Variants in EIF4E observed in about 807,000 individuals in gnomAD.
EIF4E encodes the protein eukaryotic translation initiation factor 4E.
For missense variants in EIF4E, 113 were observed against 265.6 expected, an observed-to-expected ratio of 0.43 and a Z score of 3.99; for synonymous variants, 71 against 88.5, an observed-to-expected ratio of 0.80 and a Z score of 1.11.
In EIF4E at chr4:98,892,776, G is replaced by C. The variant is rs143556053; in HGVS notation, c.126-1444C>G. ...AGAAGAAATGAGAGTGCCAGGAGTG[G>C]GGAAACTATTAAATGTGATTCTATA... On this transcript the variant is annotated intron_variant, in intron 2 of 6. Transcript: ENST00000450253. 8.8e-3 allele frequency among the ~76,000 whole-genome samples: 1,337 copies of C among 152,100 alleles called. 21 individuals carry two copies. The highest frequency in any genetic ancestry group is 0.031 in the African/African-American group (1,277 of 41,474).
In EIF4E at chr4:98,903,435, T is replaced by C. The variant is rs75215124; in HGVS notation, c.19-1453A>G. 10,373 of 455,380 alleles carry C rather than the reference T, an allele frequency of 0.023. 1,665 individuals are homozygous for C. The East Asian group carries it at 0.46, about 20-fold the overall frequency. 28.2% of individuals were successfully genotyped at this position (455,380 alleles called of 1,614,324 possible). ...TAGCTCACTGCAGCCTCAATCTCCC[T>C]GGCTCAAGCAATCTTCTTGCCTCAG... On this transcript the variant is annotated intron_variant, in intron 1 of 6. Coordinates refer to ENST00000450253, the MANE Select transcript of EIF4E (RefSeq NM_001968.5).
At chr4:98,896,642 C>T (rs556694149) in intron 2 of EIF4E, among the ~76,000 whole-genome samples, 6 of 118,258 alleles carry the variant, frequency 5.1e-5, no homozygotes, top group Admixed American at 1.1e-4. Context: ...CCAGTCTGGG[C>T]GACAGAATGG....
chr4:98,911,294 C>T (rs62323206), intron 1 of EIF4E, among the ~76,000 whole-genome samples: 28,722 of 150,896 alleles, frequency 0.19, 3,645 homozygotes, highest in Non-Finnish European at 0.28. Flanking sequence ...GTGATTCACC[C>T]GCCTCGGCCT....
At chr4:98,898,003 T>C (rs969038094) in intron 2 of EIF4E, among the ~76,000 whole-genome samples, 1 of 152,096 alleles carries the variant, frequency 6.6e-6, no homozygotes, top group African/African-American at 2.4e-5. Flanking sequence ...GACAGACCAA[T>C]GGATTTTAAT....
At chr4:98,921,792 T>C (rs1255534086) in intron 1 of EIF4E, among the ~76,000 whole-genome samples, 1 of 152,244 alleles carries the variant, frequency 6.6e-6, no homozygotes, top group Non-Finnish European at 1.5e-5. Context: ...AAAAATGTAC[T>C]AAAACTTTTT....
chr4:98,903,725 AG>A (rs1374228984), intron 1 of EIF4E, among the ~76,000 whole-genome samples: 1 of 152,238 alleles, frequency 6.6e-6, no homozygotes, highest in Non-Finnish European at 1.5e-5. Context: ...TTAACCCAAC[AG>A]GAACTTATTA....
Position 98,887,055 on chromosome 4 carries a change from T to C in EIF4E, c.399+24A>G. On this transcript the variant is annotated intron_variant, in intron 5 of 6. Coordinates refer to ENST00000450253, the MANE Select transcript of EIF4E (RefSeq NM_001968.5). The surrounding 1 kb of genome is among the most constrained non-coding windows in gnomAD (Gnocchi z 4.0). Reference sequence around the variant, plus strand: ...AGTATTCCAAAACTACCTCTAAAACTGCTTTATACTTTTAAAACCTTACTG... The same window carrying C: ...AGTATTCCAAAACTACCTCTAAAACCGCTTTATACTTTTAAAACCTTACTG... The C allele has an allele frequency of 6.2e-7, 1 of 1,609,190 alleles. No homozygotes were observed. The highest frequency in any genetic ancestry group is 8.5e-7 in the Non-Finnish European group (1 of 1,177,166).
chr4:98,896,206 A>ATAAC (rs1724377906), intron 2 of EIF4E, among the ~76,000 whole-genome samples: 1 of 151,564 alleles, frequency 6.6e-6, no homozygotes, highest in African/African-American at 2.4e-5. Context: ...AATAAAATAA[A>ATAAC]ATAAAATAAA....
intron 1 of EIF4E, chr4:98,926,553 A>G (rs1725876115): frequency 6.6e-6 from 1 of 152,246 alleles, no homozygotes; most frequent in Non-Finnish European, 1.5e-5. Context: ...GAAAAAAAAA[A>G]AATTCATTTC....
intron 1 of EIF4E, among the ~76,000 whole-genome samples, chr4:98,910,458 T>A (rs544476373): frequency 6.6e-6 from 1 of 152,286 alleles, no homozygotes; most frequent in East Asian, 1.9e-4. Flanking sequence ...ACTAAAGAGT[T>A]GTGATGATGT....
chr4:98,890,969 G>C, intron 3 of EIF4E: 1 of 479,286 alleles, frequency 2.1e-6, no homozygotes, highest in Admixed American at 3.8e-5. Flanking sequence ...CCAACTAGCT[G>C]TCAAAAGTTC....
intron 1 of EIF4E, among the ~76,000 whole-genome samples, chr4:98,920,490 T>A (rs894035506): frequency 1.3e-5 from 2 of 152,008 alleles, no homozygotes; most frequent in African/African-American, 4.8e-5. Context: ...AGATAAGGTT[T>A]CACCATTTTG....
chr4:98,911,370 T>C (rs1212563218), intron 1 of EIF4E, among the ~76,000 whole-genome samples: 1 of 141,630 alleles, frequency 7.1e-6, no homozygotes, highest in Non-Finnish European at 1.5e-5. Context: ...CTAGAAAGAG[T>C]TGTAGGAGGC....
At chr4:98,900,840 T>C (rs1380449019) in intron 2 of EIF4E, among the ~76,000 whole-genome samples, 1 of 152,198 alleles carries the variant, frequency 6.6e-6, no homozygotes, top group East Asian at 1.9e-4. Flanking sequence ...TTAACTAATT[T>C]TAATCTGTCC....
At chr4:98,901,583 T>C (rs1724651179) in intron 2 of EIF4E, among the ~76,000 whole-genome samples, 1 of 152,220 alleles carries the variant, frequency 6.6e-6, no homozygotes, top group Non-Finnish European at 1.5e-5. Flanking sequence ...ATGATGCTAG[T>C]ATCCCCGGTC....
chr4:98,915,407 A>T (rs1725334257), intron 1 of EIF4E, among the ~76,000 whole-genome samples: 1 of 152,200 alleles, frequency 6.6e-6, no homozygotes, highest in African/African-American at 2.4e-5. Flanking sequence ...AATGATCTAA[A>T]TGTTCAAAAT....
chr4:98,912,336 G>A (rs189304530), intron 1 of EIF4E, among the ~76,000 whole-genome samples: 343 of 151,942 alleles, frequency 2.3e-3, no homozygotes, highest in Non-Finnish European at 3.7e-3. Context: ...CAACACTTTG[G>A]GAGGCCAACA....
At chr4:98,920,842 G>A (rs927452628) in intron 1 of EIF4E, among the ~76,000 whole-genome samples, 2 of 152,060 alleles carry the variant, frequency 1.3e-5, no homozygotes, top group South Asian at 2.1e-4. Flanking sequence ...TATTCTTTCA[G>A]TTAGAATTTT....
chr4:98,921,011 G>C (rs1161730927), intron 1 of EIF4E, among the ~76,000 whole-genome samples: 1 of 152,016 alleles, frequency 6.6e-6, no homozygotes, highest in Non-Finnish European at 1.5e-5. Flanking sequence ...TGTTAATTAT[G>C]AGTTCTATAA....
Sources: gnomAD v4.1 joint callset for allele counts (sites outside exome capture counted in the v4.1 genomes callset) on GRCh38, gnomAD v4.1.1 for gene constraint, Gnocchi (gnomAD v3.1) non-coding constraint, MANE v1.5 for transcripts, NCBI Gene and HGNC (gene_info 2026-07-23, HGNC 2026-07-21) for gene names.